NLRX1: variants seen among roughly 807,000 people sequenced by gnomAD.
The protein encoded by NLRX1 is NOD-like receptor X1.
In NLRX1, 67 loss-of-function variants were observed where a neutral mutation model predicts 74.2. The ratio of observed to expected loss-of-function variants is 0.90; its 90% confidence interval spans 0.74 to 1.11. The LOEUF is 1.11. NLRX1 is among the 50% of genes least tolerant of loss of function. The pLI is 0.00. For synonymous variants in NLRX1, 506 were observed against 559.1 expected (o/e 0.91, Z 1.34); for missense variants, 1,191 against 1,305.4 (o/e 0.91, Z 1.35).
chr11:119,170,065 C>T (rs2135149552), intron 1 of NLRX1, among the ~76,000 whole-genome samples: 1 of 134,864 alleles, frequency 7.4e-6, no homozygotes, highest in South Asian at 2.6e-4. Flanking sequence ...GGAAAAAGGT[C>T]ATTCCAAACT....
rs765276209 is a variant in NLRX1, at chr11:119,174,844, C to T, written c.1241C>T (p.Thr414Ile). Reference protein sequence around the residue: ...LNFSGETLDSTDPSNLSLMAY... With the variant: ...LNFSGETLDSIDPSNLSLMAY... ...TTCAGCGGGGAAACCCTGGACAGCACTGACCCCTCCAATTTGTCCCTGATG... is the reference window on the plus strand; with the variant it reads ...TTCAGCGGGGAAACCCTGGACAGCATTGACCCCTCCAATTTGTCCCTGATG... The change falls in exon 6 of 10, where the codon ACT becomes ATT. Residue 414 changes from threonine (T) to isoleucine (I), a missense_variant. Coordinates refer to ENST00000409109, the MANE Select transcript of NLRX1 (RefSeq NM_001282144.2). The T allele has an allele frequency of 1.9e-6, 3 of 1,613,986 alleles. No individual in the cohort carries two copies. In the East Asian group the frequency reaches 6.7e-5, roughly 36 times the overall value.
chr11:119,170,409 A>G (rs1198675518), intron 1 of NLRX1, among the ~76,000 whole-genome samples: 1 of 152,200 alleles, frequency 6.6e-6, no homozygotes, highest in Non-Finnish European at 1.5e-5. Context: ...GAGAGAGGTC[A>G]GGTTTCTAAT....
Position 119,173,765 on chromosome 11 carries a change from G to A in NLRX1, c.516G>A (p.Lys172=), listed in dbSNP as rs1318883310. ...TGTATGGGACAGTGGGCACAGGCAA[G>A]AGCACGCTGGTGCGCAAGATGGTTC... ...VVLYGTVGTG[K]STLVRKMVLD... The change falls in exon 5 of 10, where the codon AAG becomes AAA. Residue 172 remains lysine, a synonymous_variant. Coordinates refer to ENST00000409109, the MANE Select transcript of NLRX1 (RefSeq NM_001282144.2). The surrounding 1 kb of genome is among the most constrained non-coding windows in gnomAD (Gnocchi z 4.0). The A allele has an allele frequency of 1.9e-6, 3 of 1,613,696 alleles. No homozygotes were observed. The highest frequency in any genetic ancestry group is 2.2e-5 in the South Asian group (2 of 91,086).
At position 119,175,089 on chromosome 11, in the gene NLRX1, G is replaced by A. The variant is rs1417350093; in HGVS notation, c.1486G>A (p.Ala496Thr). 8.7e-6 allele frequency: 14 copies of A among 1,614,036 alleles called. No individual in the cohort carries two copies. Among genetic ancestry groups the A allele is most frequent in the African/African-American group, 2.7e-5 (2 of 74,926 alleles). Residue 496 changes from alanine (A) to threonine (T), a missense_variant, in exon 6 of 10, where the codon GCC (alanine) becomes ACC (threonine). Coordinates refer to ENST00000409109, the MANE Select transcript of NLRX1 (RefSeq NM_001282144.2). ...AGGCACCTTCGTGTTCACCGTGCCC[G>A]CCATGCAGGAATACCTGGCTGCCCT... ...RAGTFVFTVP[A>T]MQEYLAALYI... is the part of the protein sequence containing the mutation.
At chr11:119,181,722 G>A (rs1361458112) in intron 8 of NLRX1, among the ~76,000 whole-genome samples, 1 of 152,112 alleles carries the variant, frequency 6.6e-6, no homozygotes, top group Non-Finnish European at 1.5e-5. Flanking sequence ...GAAGAGCAGG[G>A]AGAAGGATAG....
In NLRX1 at chr11:119,173,778, C is replaced by A; in HGVS notation, c.529C>A (p.Arg177Ser). 3.7e-6 allele frequency: 6 copies of A among 1,613,584 alleles called. No homozygotes were observed. Among genetic ancestry groups the A allele is most frequent in the Non-Finnish European group, 5.1e-6 (6 of 1,180,040 alleles). Reference protein sequence around the residue: ...TVGTGKSTLVRKMVLDWCYGR... With the variant: ...TVGTGKSTLVSKMVLDWCYGR... ...GGGCACAGGCAAGAGCACGCTGGTG[C>A]GCAAGATGGTTCTGGACTGGTGTTA... The change falls in exon 5 of 10, where the codon CGC becomes AGC. Residue 177 changes from arginine to serine, a missense_variant. Physicochemically the swap from Arg to Ser is moderately radical, Grantham distance 110. Transcript: ENST00000409109. The surrounding 1 kb of genome is among the most constrained non-coding windows in gnomAD (Gnocchi z 4.0).
At chr11:119,169,772 T>C (rs1449363952) in intron 1 of NLRX1, among the ~76,000 whole-genome samples, 1 of 152,092 alleles carries the variant, frequency 6.6e-6, no homozygotes, top group African/African-American at 2.4e-5. Context: ...GGCGGATCAC[T>C]TGAGCCCAGG....
rs80241894 is a variant in NLRX1, at chr11:119,174,591, T to G, written c.988T>G (p.Tyr330Asp). The G allele has an allele frequency of 7.2e-3, 11,685 of 1,614,160 alleles. 680 individuals carry two copies. The African/African-American group carries it at 0.13, about 18-fold the overall frequency. The change falls in exon 6 of 10, where the codon TAC becomes GAC. Residue 330 changes from tyrosine to aspartate, a missense_variant. Tyr to Asp is a radical substitution (Grantham distance 160). Coordinates refer to ENST00000409109, the MANE Select transcript of NLRX1 (RefSeq NM_001282144.2). Reference protein sequence around the residue: ...LYFQLRLNQPYCGYAVGGSGV... With the variant: ...LYFQLRLNQPDCGYAVGGSGV... ...CTTCCAGCTCCGCCTCAACCAGCCG[T>G]ACTGCGGGTATGCCGTTGGCGGTTC...
upstream of NLRX1, chr11:119,168,563 A>G (rs1377311109): frequency 6.6e-6 from 1 of 152,228 alleles, no homozygotes; most frequent in Non-Finnish European, 1.5e-5. Context: ...TGGCTCATCC[A>G]CTTCCTAACT....
At chr11:119,169,946 A>C (rs1285232972) in intron 1 of NLRX1, among the ~76,000 whole-genome samples, 1 of 133,940 alleles carries the variant, frequency 7.5e-6, no homozygotes, top group African/African-American at 2.8e-5. Flanking sequence ...CTGTGAGCTG[A>C]GATCGTACTA....
In NLRX1 at chr11:119,173,244, C is replaced by T. The variant is rs756527868; in HGVS notation, c.230-235C>T. The T allele has an allele frequency of 1.6e-4, 99 of 628,996 alleles. No homozygotes were observed. Among genetic ancestry groups the T allele is most frequent in the Non-Finnish European group, 1.3e-4 (47 of 362,180 alleles). 39.0% of individuals were successfully genotyped at this position (628,996 alleles called of 1,614,324 possible). A position where few individuals can be genotyped will look rare whatever the true frequency, so the allele number is the denominator to read the frequency against. ...CAAAGTTGGGTCAAGCAGGTTAAGA[C>T]GGCACATAGGTCACTGTGAAACCAG... On this transcript the variant is annotated intron_variant, in intron 4 of 9. Coordinates refer to ENST00000409109, the MANE Select transcript of NLRX1 (RefSeq NM_001282144.2). The surrounding 1 kb of genome is among the most constrained non-coding windows in gnomAD (Gnocchi z 4.0).
intron 3 of NLRX1, 21 bp from the exon 4 acceptor site, chr11:119,172,880 A>T (rs1272774248): frequency 2.5e-6 from 4 of 1,592,630 alleles, no homozygotes; most frequent in Non-Finnish European, 3.4e-6. Context: ...GTCCCAGCTC[A>T]TCCCCTCTCC....
At chr11:119,176,142 G>A (rs1162914814) in intron 6 of NLRX1, among the ~76,000 whole-genome samples, 2 of 152,162 alleles carry the variant, frequency 1.3e-5, no homozygotes, top group Non-Finnish European at 2.9e-5. Flanking sequence ...GACCTTGCTA[G>A]GTAACCTTTG....
Position 119,183,432 on chromosome 11 carries a change from G to C in NLRX1, c.2921G>C (p.Gly974Ala). 6.2e-7 allele frequency: 1 copy of C among 1,611,270 alleles called. No individual in the cohort carries two copies. Among genetic ancestry groups the C allele is most frequent in the African/African-American group, 1.3e-5 (1 of 74,946 alleles). Reference protein sequence around the residue: ...RALLEQLGSSGS With the variant: ...RALLEQLGSSAS ...CTCCTGGAGCAGCTGGGAAGCTCTG[G>C]AAGCTGAGACACTGGCGGCAGGCAC... is the stretch of plus-strand genomic sequence containing the variant. Residue 974 changes from glycine to alanine, a missense_variant, in exon 10 of 10, where the codon GGA (glycine) becomes GCA (alanine). Transcript: ENST00000409109. The surrounding 1 kb of genome is among the most constrained non-coding windows in gnomAD (Gnocchi z 5.7).
In NLRX1 at chr11:119,172,375, G is replaced by C; in HGVS notation, c.90G>C (p.Leu30=). ...LQRPDDRIPF[L]IHWSWPLQGE... ...CTGTAGATGATCGTATCCCCTTCCT[G>C]ATCCACTGGAGTTGGCCCCTTCAAG... The change falls in exon 3 of 10, where the codon CTG becomes CTC. Residue 30 remains leucine, a synonymous_variant. Transcript: ENST00000409109. 1 of 1,613,824 alleles carries C rather than the reference G, an allele frequency of 6.2e-7. No homozygotes were observed. Among genetic ancestry groups the C allele is most frequent in the Non-Finnish European group, 8.5e-7 (1 of 1,179,688 alleles).
intron 6 of NLRX1, among the ~76,000 whole-genome samples, chr11:119,175,576 CT>C (rs887117321): frequency 1.3e-5 from 2 of 152,138 alleles, no homozygotes; most frequent in African/African-American, 4.8e-5. Flanking sequence ...AAATGGTTTC[CT>C]TTTTGTGTCT....
chr11:119,173,911 C>A lies in NLRX1; in HGVS notation c.662C>A (p.Thr221Lys). The A allele has an allele frequency of 6.2e-7, 1 of 1,613,596 alleles. No homozygotes were observed. Among genetic ancestry groups the A allele is most frequent in the Admixed American group, 1.7e-5 (1 of 60,032 alleles). ...TGCCAACTTGTGGCCCAGCGCTACACGCCCCTGAAGGAGGTTCTGCCCCTG... is the reference window on the plus strand; with the variant it reads ...TGCCAACTTGTGGCCCAGCGCTACAAGCCCCTGAAGGAGGTTCTGCCCCTG... ...SLCQLVAQRY[T>K]PLKEVLPLMA... The change falls in exon 5 of 10, where the codon ACG becomes AAG. Residue 221 changes from threonine (T) to lysine (K), a missense_variant. Physicochemically the swap from Thr to Lys is moderately conservative, Grantham distance 78. Transcript: ENST00000409109. This position sits in a 1 kb window ranked among gnomAD's most constrained non-coding sequence, Gnocchi z 4.0.
Position 119,173,111 on chromosome 11 carries a change from T to C in NLRX1, c.229+122T>C. Reference sequence around the variant, plus strand: ...ATCTTCCATCGGTGGTCCCTCCTCCTCTCTCTCTCTCCCTCCCATCCGTCT... The same window carrying C: ...ATCTTCCATCGGTGGTCCCTCCTCCCCTCTCTCTCTCCCTCCCATCCGTCT... On this transcript the variant is annotated intron_variant, in intron 4 of 9. Coordinates refer to ENST00000409109, the MANE Select transcript of NLRX1 (RefSeq NM_001282144.2). The surrounding 1 kb of genome is among the most constrained non-coding windows in gnomAD (Gnocchi z 4.0). The C allele has an allele frequency of 4.5e-6, 3 of 660,322 alleles. No individual in the cohort carries two copies. The highest frequency in any genetic ancestry group is 2.3e-5 in the Admixed American group (1 of 44,394). 40.9% of individuals were successfully genotyped at this position (660,322 alleles called of 1,614,324 possible).
chr11:119,171,718 C>T (rs765486228), intron 2 of NLRX1, among the ~76,000 whole-genome samples: 2 of 151,748 alleles, frequency 1.3e-5, no homozygotes, highest in African/African-American at 4.8e-5. Flanking sequence ...TTTGGAAGGC[C>T]GAGGCAGGCG....
Sources: allele counts gnomAD v4.1 joint callset (sites outside exome capture counted in the v4.1 genomes callset), GRCh38; gene constraint gnomAD v4.1.1; non-coding constraint Gnocchi (gnomAD v3.1); transcripts MANE v1.5; gene names NCBI Gene and HGNC (gene_info 2026-07-23, HGNC 2026-07-21).